Variants in SLC25A51 observed in about 807,000 individuals in gnomAD.
The protein encoded by SLC25A51 is mitochondrial nicotinamide adenine dinucleotide transporter SLC25A51.
A neutral mutation model predicts 19.1 loss-of-function variants in SLC25A51; 11 were observed. That is an observed-to-expected ratio of 0.58 (90% confidence interval 0.36 to 0.96). The LOEUF is 0.96. Among genes scored for constraint, SLC25A51 ranks in the 40% least tolerant of loss-of-function variants. SLC25A51 has a pLI of 0.01. For missense variants in SLC25A51, 201 were observed against 365.4 expected, an observed-to-expected ratio of 0.55 and a Z score of 3.67; for synonymous variants, 105 against 133.6, an observed-to-expected ratio of 0.79 and a Z score of 1.47.
At chr9:37,901,297 G>A (rs1260807643) in intron 1 of SLC25A51, among the ~76,000 whole-genome samples, 1 of 152,068 alleles carries the variant, frequency 6.6e-6, no homozygotes, top group Non-Finnish European at 1.5e-5. Context: ...AGCCTCCCAA[G>A]TAGCTGGGAT....
In SLC25A51 at chr9:37,899,854, G is replaced by T; in HGVS notation, c.-68C>A. On this transcript the variant is annotated 5_prime_UTR_variant, in exon 2 of 3. An upstream open reading frame in the 5' UTR gains an earlier in-frame stop. Transcript: ENST00000242275. ...CTGTGACATCTGAGCCTGGAGTTTG[G>T]CAGGATGATAGCTTTGTGATAATGT... The T allele has an allele frequency of 6.2e-6, 1 of 161,506 alleles. No homozygotes were observed. 10.0% of individuals were successfully genotyped at this position (161,506 alleles called of 1,614,324 possible).
downstream of SLC25A51, chr9:37,878,479 A>G (rs557108771): frequency 3.0e-5 from 6 of 199,152 alleles, no homozygotes; most frequent in South Asian, 5.6e-4. Context: ...GCCCACCTAA[A>G]GTGGAGATGT....
downstream of SLC25A51, chr9:37,886,345 A>G: frequency 6.2e-7 from 1 of 1,613,398 alleles, no homozygotes. Context: ...CTGTGGCTTC[A>G]ACCCCCACCA....
At chr9:37,881,505 T>C (rs1287819549) in intron 3 of SLC25A51, 1 of 152,074 alleles carries the variant, frequency 6.6e-6, no homozygotes, top group Non-Finnish European at 1.5e-5. Context: ...TAGCTGGGCT[T>C]GGTGGCACGT....
At chr9:37,886,077 C>T (rs749738702), downstream of SLC25A51, 283 of 1,581,548 alleles carry the variant, frequency 1.8e-4, no homozygotes, top group Non-Finnish European at 2.4e-4. Flanking sequence ...AATTTTGGGA[C>T]GGTGGATGCT....
chr9:37,887,369 AC>A (rs1300718784), downstream of SLC25A51, among the ~76,000 whole-genome samples: 10 of 152,272 alleles, frequency 6.6e-5, no homozygotes, highest in African/African-American at 2.4e-4. Context: ...CTAAGGAGAA[AC>A]TTTTAACCAC....
intron 3 of SLC25A51, among the ~76,000 whole-genome samples, chr9:37,881,315 G>A (rs1831345459): frequency 6.6e-6 from 1 of 152,148 alleles, no homozygotes; most frequent in Admixed American, 6.5e-5. Context: ...AACCAAGAAA[G>A]TTTAAACTCA....
At chr9:37,882,866 C>CA (rs929502328), downstream of SLC25A51, among the ~76,000 whole-genome samples, 6 of 151,880 alleles carry the variant, frequency 4.0e-5, no homozygotes, top group Admixed American at 2.6e-4. Flanking sequence ...TTTTTTGAGA[C>CA]AGAGTTTCAC....
intron 2 of SLC25A51, among the ~76,000 whole-genome samples, chr9:37,890,745 A>G (rs1831565246): frequency 1.3e-5 from 2 of 152,152 alleles, no homozygotes; most frequent in African/African-American, 4.8e-5. Context: ...TGGGGATATA[A>G]CCAAAACAAT....
At chr9:37,886,147 A>G, downstream of SLC25A51, 3 of 1,432,964 alleles carry the variant, frequency 2.1e-6, no homozygotes, top group East Asian at 6.8e-5. Flanking sequence ...TCACCAATCA[A>G]CTCCCTACCC....
At chr9:37,886,332 A>G (rs1831457222), downstream of SLC25A51, 4 of 1,613,936 alleles carry the variant, frequency 2.5e-6, no homozygotes, top group Non-Finnish European at 3.4e-6. Flanking sequence ...CCTGAGGAGC[A>G]GCCTGTGGCT....
At chr9:37,878,430 T>G (rs1285944692), downstream of SLC25A51, 2 of 193,814 alleles carry the variant, frequency 1.0e-5, no homozygotes, top group Admixed American at 5.6e-5. Flanking sequence ...GGTTCTTCAC[T>G]CGAAAGAAAT....
At chr9:37,891,205 G>A (rs1241633254) in intron 2 of SLC25A51, among the ~76,000 whole-genome samples, 3 of 152,090 alleles carry the variant, frequency 2.0e-5, no homozygotes, top group Non-Finnish European at 4.4e-5. Flanking sequence ...TTCAGCCATC[G>A]CCCGGCCAGC....
At chr9:37,898,860 C>T (rs1192551462) in intron 2 of SLC25A51, among the ~76,000 whole-genome samples, 5 of 152,150 alleles carry the variant, frequency 3.3e-5, no homozygotes, top group Non-Finnish European at 1.5e-5. Flanking sequence ...CACACCTTCC[C>T]ACCGCCAATA....
downstream of SLC25A51, chr9:37,885,538 C>T (rs1323934207): frequency 6.8e-6 from 4 of 590,854 alleles, no homozygotes; most frequent in East Asian, 6.0e-5. Flanking sequence ...TACAGGCGCC[C>T]GCCACCACGC....
chr9:37,890,731 C>A (rs61329036), intron 2 of SLC25A51, among the ~76,000 whole-genome samples: 3,874 of 152,068 alleles, frequency 0.025, 172 homozygotes, highest in African/African-American at 0.089. Context: ...AACAATCCTA[C>A]TTCTGGGGAT....
chr9:37,887,596 A>G (rs904266973), downstream of SLC25A51: 4 of 1,506,430 alleles, frequency 2.7e-6, no homozygotes, highest in Admixed American at 4.6e-5. Flanking sequence ...AAAAGAGGCC[A>G]AACTGCATTC....
chr9:37,895,389 G>A (rs1417533455), intron 2 of SLC25A51, among the ~76,000 whole-genome samples: 2 of 148,844 alleles, frequency 1.3e-5, no homozygotes, highest in African/African-American at 5.0e-5. Flanking sequence ...TTGTAGAGAA[G>A]GGGTCTTGTT....
At chr9:37,879,569 A>G (rs1292452838) in exon 4 of SLC25A51, 1 of 153,050 alleles carries the variant, frequency 6.5e-6, no homozygotes, top group Non-Finnish European at 1.5e-5. Context: ...AGAGAACACA[A>G]ATAAAATGTA....
Sources: allele counts gnomAD v4.1 joint callset (sites outside exome capture counted in the v4.1 genomes callset), GRCh38; gene constraint gnomAD v4.1.1; transcripts MANE v1.5; gene names NCBI Gene and HGNC (gene_info 2026-07-23, HGNC 2026-07-21).